Variants in MAP4K3 observed in about 807,000 individuals in gnomAD.
The protein encoded by MAP4K3 is MAPK/ERK kinase kinase kinase 3.
A neutral mutation model predicts 143.5 loss-of-function variants in MAP4K3; 94 were observed. That is an observed-to-expected ratio of 0.65 (90% CI 0.55 to 0.78). The LOEUF is 0.78. MAP4K3 is among the 30% of genes least tolerant of loss of function. The probability of loss-of-function intolerance (pLI) is 0.00; values close to 1 mark genes in which losing one functional copy is unlikely to be tolerated. For synonymous variants in MAP4K3, 416 were observed against 347.2 expected (o/e 1.20, Z -2.20); for missense variants, 1,077 against 1,068.1 (o/e 1.01, Z -0.12).
At position 39,293,276 on chromosome 2, in the gene MAP4K3, G is replaced by C. The variant is rs1215460271; in HGVS notation, c.1179-8C>G. On this transcript the variant is annotated splice_polypyrimidine_tract_variant and splice_region_variant and intron_variant, in intron 16 of 33. Coordinates refer to ENST00000263881, the MANE Select transcript of MAP4K3 (RefSeq NM_003618.4). Reference sequence around the variant, plus strand: ...ACAGACTTGAGAAGACTCCTTAAAAGAAAAAACAAAAACAAAAAATAATGT... The same window carrying C: ...ACAGACTTGAGAAGACTCCTTAAAACAAAAAACAAAAACAAAAAATAATGT... 6.6e-7 allele frequency: 1 copy of C among 1,514,060 alleles called. No homozygotes were observed. The highest frequency in any genetic ancestry group is 8.9e-7 in the Non-Finnish European group (1 of 1,120,824). The allele number at this position is 1,514,060 out of a possible 1,614,324, so 93.8% of individuals were successfully genotyped here.
rs530558845 is a variant in MAP4K3, at chr2:39,433,252, A to G, written c.96+3640T>C. Among the ~76,000 whole-genome samples the G allele has an allele frequency of 7.2e-5, 11 of 152,310 alleles. No homozygotes were observed. The South Asian group carries it at 1.9e-3, about 26-fold the overall frequency. On this transcript the variant is annotated intron_variant, in intron 1 of 33. Coordinates refer to ENST00000263881, the MANE Select transcript of MAP4K3 (RefSeq NM_003618.4). Reference sequence around the variant, plus strand: ...GTATCCAGTCTTGGATACACAGGCTAGGAATCATTCACAGGGACCAGACTA... The same window carrying G: ...GTATCCAGTCTTGGATACACAGGCTGGGAATCATTCACAGGGACCAGACTA...
At chr2:39,409,905 T>A (rs1041374093) in intron 1 of MAP4K3, among the ~76,000 whole-genome samples, 1 of 152,198 alleles carries the variant, frequency 6.6e-6, no homozygotes, top group Admixed American at 6.5e-5. Flanking sequence ...GAAGACTCAA[T>A]AGCACTTAAA....
chr2:39,291,723 CA>C (rs1174049292), intron 18 of MAP4K3, among the ~76,000 whole-genome samples: 1 of 151,754 alleles, frequency 6.6e-6, no homozygotes, highest in Non-Finnish European at 1.5e-5. Context: ...CCATCTCTAC[CA>C]AAAAATAGAA....
At position 39,391,488 on chromosome 2, in the gene MAP4K3, T is replaced by C. The variant is rs562797992; in HGVS notation, c.97-13365A>G. On this transcript the variant is annotated intron_variant, in intron 1 of 33. Transcript: ENST00000263881. ...CTGTGGCAAAGAAAACCATTTACTT[T>C]TGTTTGATTCTTCATCTCCCACCAT... Among the ~76,000 whole-genome samples, 25 of 152,196 alleles carry C rather than the reference T, an allele frequency of 1.6e-4. No individual in the cohort carries two copies. In the East Asian group the frequency reaches 4.4e-3, roughly 27 times the overall value.
chr2:39,437,043 G>T lies in MAP4K3; in HGVS notation c.-56C>A. ...CCGGGCAGGGGAGGGGGGCCGCTCA[G>T]GGGGCCACACGGAGAGAGGGCGCCG... On this transcript the variant is annotated 5_prime_UTR_variant, in exon 1 of 34. It adds an upstream start codon to the 5' untranslated region. Coordinates refer to ENST00000263881, the MANE Select transcript of MAP4K3 (RefSeq NM_003618.4). 2 of 1,406,718 alleles carry T rather than the reference G, an allele frequency of 1.4e-6. No individual in the cohort carries two copies. Among genetic ancestry groups the T allele is most frequent in the Non-Finnish European group, 2.0e-6 (2 of 1,017,044 alleles). The allele number at this position is 1,406,718 out of a possible 1,614,324, so 87.1% of individuals were successfully genotyped here.
chr2:39,409,217 T>TA (rs1468468809), intron 1 of MAP4K3, among the ~76,000 whole-genome samples: 1 of 152,256 alleles, frequency 6.6e-6, no homozygotes, highest in Non-Finnish European at 1.5e-5. Flanking sequence ...TGTAGCTTAC[T>TA]ATATTGTAAG....
chr2:39,285,774 C>T (rs529024737), intron 21 of MAP4K3, among the ~76,000 whole-genome samples: 26 of 151,946 alleles, frequency 1.7e-4, no homozygotes, highest in Non-Finnish European at 3.7e-4. Flanking sequence ...ACAAAAACTT[C>T]CAAAAAACCC....
At chr2:39,256,741 T>G (rs1336402617) in intron 31 of MAP4K3, among the ~76,000 whole-genome samples, 1 of 152,230 alleles carries the variant, frequency 6.6e-6, no homozygotes, top group Non-Finnish European at 1.5e-5. Flanking sequence ...TCAGAATTCC[T>G]TGTCTGTAGT....
At chr2:39,316,850 A>T (rs1297208202) in intron 12 of MAP4K3, among the ~76,000 whole-genome samples, 1 of 152,176 alleles carries the variant, frequency 6.6e-6, no homozygotes, top group East Asian at 1.9e-4. Flanking sequence ...CTTTAGAATC[A>T]TTTAATTAGA....
At chr2:39,336,497 A>T (rs1271403332) in intron 6 of MAP4K3, among the ~76,000 whole-genome samples, 1 of 150,340 alleles carries the variant, frequency 6.7e-6, no homozygotes, top group Non-Finnish European at 1.5e-5. Flanking sequence ...AAAAAAAAAA[A>T]AAAAGACTAT....
intron 22 of MAP4K3, among the ~76,000 whole-genome samples, chr2:39,282,194 C>CAA (rs58168334): frequency 3.7e-4 from 39 of 106,156 alleles, no homozygotes; most frequent in East Asian, 7.9e-4. Context: ...GACTCCGTCT[C>CAA]AAAAAAAAAA....
At chr2:39,380,655 C>T (rs977321044) in intron 1 of MAP4K3, among the ~76,000 whole-genome samples, 1 of 152,032 alleles carries the variant, frequency 6.6e-6, no homozygotes, top group Admixed American at 6.6e-5. Context: ...CTGATCTGAC[C>T]ACCATTCTTC....
At chr2:39,384,377 C>T (rs1429147380) in intron 1 of MAP4K3, among the ~76,000 whole-genome samples, 1 of 152,192 alleles carries the variant, frequency 6.6e-6, no homozygotes, top group East Asian at 1.9e-4. Context: ...GAAACACCAT[C>T]TCTACTAAAA....
In MAP4K3 at chr2:39,310,573, G is replaced by C. The variant is rs369386720; in HGVS notation, c.998-1054C>G. 2.7e-3 allele frequency among the ~76,000 whole-genome samples: 413 copies of C among 151,358 alleles called. 4 individuals carry two copies. The South Asian group carries it at 0.037, about 14-fold the overall frequency. ...AACTTGGGAGTGTAGATATCTCTTAGATATACTGGTATCCTTTCTTTTGGA... is the reference window on the plus strand; with the variant it reads ...AACTTGGGAGTGTAGATATCTCTTACATATACTGGTATCCTTTCTTTTGGA... On this transcript the variant is annotated intron_variant, in intron 13 of 33. Coordinates refer to ENST00000263881, the MANE Select transcript of MAP4K3 (RefSeq NM_003618.4).
At chr2:39,387,257 A>T (rs951957866) in intron 1 of MAP4K3, among the ~76,000 whole-genome samples, 5 of 142,346 alleles carry the variant, frequency 3.5e-5, no homozygotes, top group African/African-American at 1.4e-4. Flanking sequence ...TTGTCTGTTT[A>T]AAAAAAAAAA....
chr2:39,378,070 T>C lies in MAP4K3; in HGVS notation c.150A>G (p.Glu50=). The C allele has an allele frequency of 6.3e-7, 1 of 1,578,854 alleles. No homozygotes were observed. Among genetic ancestry groups the C allele is most frequent in the Non-Finnish European group, 8.7e-7 (1 of 1,155,366 alleles). ...AATGAATTTCAAACAATTTACCTGGTTCCAATTTTATTACTTTAATTGCTG... is the reference window on the plus strand; with the variant it reads ...AATGAATTTCAAACAATTTACCTGGCTCCAATTTTATTACTTTAATTGCTG... ...ELAAIKVIKL[E]PGEDFAVVQQ... The change falls in exon 2 of 34, where the codon GAA becomes GAG. Residue 50 remains glutamate (E), a synonymous_variant. Coordinates refer to ENST00000263881, the MANE Select transcript of MAP4K3 (RefSeq NM_003618.4).
chr2:39,282,076 T>G (rs1239818683), intron 22 of MAP4K3, among the ~76,000 whole-genome samples: 1 of 151,790 alleles, frequency 6.6e-6, no homozygotes, highest in Non-Finnish European at 1.5e-5. Context: ...GCACCTATAG[T>G]CCCAGCTACT....
intron 1 of MAP4K3, among the ~76,000 whole-genome samples, chr2:39,413,289 A>T (rs913631852): frequency 7.9e-5 from 12 of 152,180 alleles, no homozygotes; most frequent in Non-Finnish European, 1.6e-4. Flanking sequence ...CTATAGTCCT[A>T]AGTGGTTAAG....
At chr2:39,295,915 C>T (rs944012076) in intron 16 of MAP4K3, among the ~76,000 whole-genome samples, 2 of 152,050 alleles carry the variant, frequency 1.3e-5, no homozygotes, top group Non-Finnish European at 2.9e-5. Flanking sequence ...GACTGAGTCT[C>T]ACTATATTGC....
Sources: gnomAD v4.1 joint callset for allele counts (sites outside exome capture counted in the v4.1 genomes callset) on GRCh38, gnomAD v4.1.1 for gene constraint, MANE v1.5 for transcripts, NCBI Gene and HGNC (gene_info 2026-07-23, HGNC 2026-07-21) for gene names.